Variants in CRB1 observed in about 807,000 individuals in gnomAD.
CRB1 encodes protein crumbs homolog 1.
CRB1 carries 83 observed loss-of-function variants against 120.0 expected under a neutral mutation model. That is an observed-to-expected ratio of 0.69 (90% confidence interval 0.58 to 0.83). CRB1 has a LOEUF of 0.83. CRB1 is among the 40% of genes least tolerant of loss of function. The pLI is 0.00. For missense variants in CRB1, 1,699 were observed against 1,687.6 expected, an observed-to-expected ratio of 1.01 and a Z score of -0.12; for synonymous variants, 625 against 612.5, an observed-to-expected ratio of 1.02 and a Z score of -0.30.
intron 5 of CRB1, among the ~76,000 whole-genome samples, chr1:197,398,474 G>A (rs1012929983): frequency 6.6e-6 from 1 of 152,160 alleles, no homozygotes; most frequent in Non-Finnish European, 1.5e-5. Flanking sequence ...ATATGGAGAA[G>A]TGATGGATAT....
chr1:197,296,829 T>G (rs930574745), intron 1 of CRB1, among the ~76,000 whole-genome samples: 2 of 152,076 alleles, frequency 1.3e-5, no homozygotes, highest in African/African-American at 2.4e-5. Context: ...CCCTTTCACT[T>G]GGTCCTCATT....
chr1:197,234,141 A>G, the CRB1 span, among the ~76,000 whole-genome samples: 1 of 152,172 alleles, frequency 6.6e-6, no homozygotes, highest in Non-Finnish European at 1.5e-5. Flanking sequence ...TATTTTTATT[A>G]CTTGTTGTAG....
At chr1:197,416,001 A>G (rs746329313) in intron 5 of CRB1, among the ~76,000 whole-genome samples, 3 of 152,130 alleles carry the variant, frequency 2.0e-5, no homozygotes, top group Non-Finnish European at 2.9e-5. Context: ...TTCTATTTCT[A>G]TAAGACCTTC....
intron 2 of CRB1, among the ~76,000 whole-genome samples, 173 bp downstream of exon 2, chr1:197,329,176 C>T (rs1658710100): frequency 6.6e-6 from 1 of 152,182 alleles, no homozygotes; most frequent in South Asian, 2.1e-4. Flanking sequence ...ACTGAATGCA[C>T]TGAATTCTAA....
At position 197,308,245 on chromosome 1, in the gene CRB1, G is replaced by A. The variant is rs1657289691; in HGVS notation, c.71-20177G>A. Among the ~76,000 whole-genome samples the A allele has an allele frequency of 1.3e-5, 2 of 152,116 alleles. 1 individual carries two copies. The highest frequency in any genetic ancestry group is 4.1e-4 in the South Asian group (2 of 4,828). On this transcript the variant is annotated intron_variant, in intron 1 of 11. Transcript: ENST00000367400. Reference sequence around the variant, plus strand: ...AGGAGCTAAACGTTAAGCACACATGGACATAAATATGGGAATAATAGACAC... The same window carrying A: ...AGGAGCTAAACGTTAAGCACACATGAACATAAATATGGGAATAATAGACAC...
chr1:197,318,001 GATT>G, intron 1 of CRB1, among the ~76,000 whole-genome samples: 1 of 151,666 alleles, frequency 6.6e-6, no homozygotes, highest in South Asian at 2.1e-4. Context: ...AGACAAATAG[GATT>G]ACATCAAACT....
intron 1 of CRB1, among the ~76,000 whole-genome samples, chr1:197,300,751 T>G (rs1209391277): frequency 6.6e-6 from 1 of 152,176 alleles, no homozygotes; most frequent in Non-Finnish European, 1.5e-5. Context: ...GAAAATGCCA[T>G]CTAGGACTTT....
chr1:197,247,683 C>T, the CRB1 span, among the ~76,000 whole-genome samples: 2 of 151,960 alleles, frequency 1.3e-5, no homozygotes, highest in East Asian at 1.9e-4. Context: ...ACATGTTTTT[C>T]GTGGAGGAAT....
rs75665093 is a variant in CRB1 at position 197,386,654 on chromosome 1, G to A, written c.1171+29641G>A. ...ACTGCAAGAAATAATAGTCTATATC[G>A]TCTTAATATAGCCATCACGTGCTCC... On this transcript the variant is annotated intron_variant, in intron 5 of 11. Coordinates refer to ENST00000367400, the MANE Select transcript of CRB1 (RefSeq NM_201253.3). Among the ~76,000 whole-genome samples, 1,019 of 152,148 alleles carry A rather than the reference G, an allele frequency of 6.7e-3. 14 individuals carry two copies. Among genetic ancestry groups the A allele is most frequent in the African/African-American group, 0.023 (955 of 41,500 alleles).
intron 5 of CRB1, among the ~76,000 whole-genome samples, chr1:197,360,007 G>T (rs1377928264): frequency 6.6e-6 from 1 of 152,064 alleles, no homozygotes; most frequent in Non-Finnish European, 1.5e-5. Context: ...TTTTTGTGAG[G>T]TTATACCTAA....
At chr1:197,417,644 G>C (rs1558122472) in intron 5 of CRB1, among the ~76,000 whole-genome samples, 3 of 152,188 alleles carry the variant, frequency 2.0e-5, no homozygotes, top group Admixed American at 6.5e-5. Flanking sequence ...TGCAGGAATA[G>C]AGTGGGCTCC....
At chr1:197,314,834 A>G (rs2125278908) in intron 1 of CRB1, among the ~76,000 whole-genome samples, 1 of 152,218 alleles carries the variant, frequency 6.6e-6, no homozygotes, top group Non-Finnish European at 1.5e-5. Context: ...AATTTCTGAC[A>G]GTTTTGTTTA....
intron 5 of CRB1, among the ~76,000 whole-genome samples, chr1:197,415,272 G>A (rs1663920355): frequency 6.6e-6 from 1 of 152,180 alleles, no homozygotes; most frequent in African/African-American, 2.4e-5. Context: ...TTTAATAGCT[G>A]CCTAGTTGGT....
chr1:197,462,556 G>A (rs75920815), intron 11 of CRB1, among the ~76,000 whole-genome samples: 6 of 152,046 alleles, frequency 3.9e-5, no homozygotes, highest in African/African-American at 4.8e-5. Context: ...AAAACATTAC[G>A]CACTCCTTTA....
chr1:197,341,531 T>G (rs1659457855), intron 2 of CRB1, among the ~76,000 whole-genome samples: 2 of 149,456 alleles, frequency 1.3e-5, no homozygotes, highest in African/African-American at 2.4e-5. Context: ...TGAGTGAGAC[T>G]CCATCTCAGA....
At chr1:197,202,034 C>T in the CRB1 span, among the ~76,000 whole-genome samples, 1 of 152,094 alleles carries the variant, frequency 6.6e-6, no homozygotes, top group African/African-American at 2.4e-5. Flanking sequence ...CATTTATCTG[C>T]GGACTCGTAT....
intron 11 of CRB1, among the ~76,000 whole-genome samples, chr1:197,466,285 G>T (rs1666747369): frequency 6.6e-6 from 1 of 152,216 alleles, no homozygotes; most frequent in African/African-American, 2.4e-5. Flanking sequence ...AGGCATAAAT[G>T]GGACTAGTGA....
chr1:197,252,403 A>G, the CRB1 span, among the ~76,000 whole-genome samples: 2 of 150,444 alleles, frequency 1.3e-5, no homozygotes, highest in African/African-American at 2.4e-5. Context: ...CTATATGGCT[A>G]TAATCCCTAT....
chr1:197,305,100 T>C (rs1657087271), intron 1 of CRB1, among the ~76,000 whole-genome samples: 1 of 152,140 alleles, frequency 6.6e-6, no homozygotes, highest in African/African-American at 2.4e-5. Context: ...TTAGAGTTGG[T>C]TTTTATGTCC....
Sources: gnomAD v4.1 joint callset for allele counts (sites outside exome capture counted in the v4.1 genomes callset) on GRCh38, gnomAD v4.1.1 for gene constraint, MANE v1.5 for transcripts, NCBI Gene and HGNC (gene_info 2026-07-23, HGNC 2026-07-21) for gene names.